The following CFAP44 variants were observed in gnomAD, a reference collection of about 807,000 sequenced individuals.
CFAP44 encodes cilia- and flagella-associated protein 44.
CFAP44 carries 134 observed loss-of-function variants against 216.2 expected under a neutral mutation model. The observed-to-expected ratio is 0.62, with a 90% confidence interval of 0.54 to 0.72. The LOEUF is 0.72. CFAP44 is among the 30% of genes least tolerant of loss of function. The pLI, the probability that CFAP44 is intolerant of heterozygous loss-of-function variation, is 0.00. For missense variants in CFAP44, 2,035 were observed against 2,182.1 expected, an observed-to-expected ratio of 0.93 and a Z score of 1.34; for synonymous variants, 700 against 727.6, an observed-to-expected ratio of 0.96 and a Z score of 0.61.
intron 28 of CFAP44, among the ~76,000 whole-genome samples, chr3:113,310,493 A>C (rs1950027504): frequency 6.6e-6 from 1 of 152,232 alleles, no homozygotes; most frequent in Non-Finnish European, 1.5e-5. Context: ...TTTCCTTGTC[A>C]GATTAGTGTT....
In CFAP44 at chr3:113,358,777, T is replaced by A; in HGVS notation, c.3033A>T (p.Lys1011Asn). 1.3e-6 allele frequency: 2 copies of A among 1,536,788 alleles called. No individual in the cohort carries two copies. Among genetic ancestry groups the A allele is most frequent in the African/African-American group, 2.7e-5 (2 of 73,150 alleles). Residue 1011 changes from lysine to asparagine, a missense_variant, in exon 22 of 35, where the codon AAA (lysine) becomes AAT (asparagine). Lys to Asn is a moderately conservative substitution (Grantham distance 94, BLOSUM62 0). Around this residue, in one of 3 missense-constraint regions of CFAP44, gnomAD observed 1,883 missense variants for 2,023.7 expected, o/e 0.93. Transcript: ENST00000393845. The stretch of plus-strand genomic sequence containing the variant: ...TTAGCTTCATTAGGCCGAGTTCATG[T>A]TTCTCTTTTTCCCAAGCTAATTCCT... ...VEKELAWEKE[K>N]HELGLMKLKN...
intron 23 of CFAP44, 57 bp from the exon 24 acceptor site, chr3:113,341,975 G>A (rs1950336972): frequency 1.4e-6 from 2 of 1,462,618 alleles, no homozygotes; most frequent in Non-Finnish European, 9.0e-7. Context: ...AAAACTCTCA[G>A]ATATTGTTTT....
chr3:113,379,511 A>G lies in CFAP44; in HGVS notation c.2093T>C (p.Leu698Ser). Reference protein sequence around the residue: ...EIEKRERQRELKEKIREERRN... With the variant: ...EIEKRERQRESKEKIREERRN... ...CCTTTCTTCCCTTATTTTCTCCTTC[A>G]ACTCCCTTTGTCTCTCCCTCTTTTC... is the stretch of plus-strand genomic sequence containing the variant. The change falls in exon 17 of 35, where the codon TTG becomes TCG. Residue 698 changes from leucine to serine, a missense_variant. Transcript: ENST00000393845. 6.2e-7 allele frequency: 1 copy of G among 1,602,176 alleles called. No homozygotes were observed. Among genetic ancestry groups the G allele is most frequent in the Non-Finnish European group, 8.5e-7 (1 of 1,170,004 alleles).
chr3:113,405,736 A>T (rs1934258240), intron 8 of CFAP44, among the ~76,000 whole-genome samples: 1 of 152,176 alleles, frequency 6.6e-6, no homozygotes, highest in Non-Finnish European at 1.5e-5. Context: ...CCCTATATCT[A>T]TACAAATTCT....
Position 113,291,720 on chromosome 3 carries a change from G to A in CFAP44, c.5402C>T (p.Ala1801Val). 6.5e-7 allele frequency: 1 copy of A among 1,536,332 alleles called. No homozygotes were observed. Among genetic ancestry groups the A allele is most frequent in the Non-Finnish European group, 8.7e-7 (1 of 1,146,944 alleles). Residue 1801 changes from alanine (A) to valine (V), a missense_variant, in exon 35 of 35, where the codon GCA becomes GTA. By Grantham distance (64) the Ala-to-Val change is moderately conservative. This residue lies in a region of CFAP44 where 1,883 missense variants were observed against 2,023.7 expected (regional missense o/e 0.93). Coordinates refer to ENST00000393845, the MANE Select transcript of CFAP44 (RefSeq NM_001164496.2). ...QGNAFQGPRE[A>V]DVVAREEVTE... ...GACCTCCTCTCTTGCCACAACATCTGCTTCCCGAGGGCCCTGGAAGGCATT... is the reference window on the plus strand; with the variant it reads ...GACCTCCTCTCTTGCCACAACATCTACTTCCCGAGGGCCCTGGAAGGCATT...
At chr3:113,368,084 A>G (rs755989309) in intron 18 of CFAP44, among the ~76,000 whole-genome samples, 15 of 152,236 alleles carry the variant, frequency 9.9e-5, no homozygotes, top group Admixed American at 2.6e-4. Context: ...GAAATATGGG[A>G]CTATGTGAAA....
At chr3:113,359,033 T>C (rs1184825661) in intron 21 of CFAP44, among the ~76,000 whole-genome samples, 158 bp from the exon 22 acceptor site, 2 of 152,212 alleles carry the variant, frequency 1.3e-5, no homozygotes, top group Non-Finnish European at 2.9e-5. Flanking sequence ...TTAACTTTAC[T>C]TCCACAATAT....
intron 5 of CFAP44, 88 bp from the exon 6 acceptor site, chr3:113,416,715 T>A: frequency 1.1e-6 from 1 of 937,500 alleles, no homozygotes; most frequent in Non-Finnish European, 1.6e-6. Flanking sequence ...ATCCATTATT[T>A]CATAATTTAT....
chr3:113,439,309 G>A (rs969615737), intron 1 of CFAP44, among the ~76,000 whole-genome samples: 12 of 152,084 alleles, frequency 7.9e-5, no homozygotes, highest in East Asian at 1.9e-4. Flanking sequence ...GGGTTCTCAC[G>A]CTTGTATGCT....
At chr3:113,397,984 T>C (rs994227952) in intron 13 of CFAP44, among the ~76,000 whole-genome samples, 6 of 152,182 alleles carry the variant, frequency 3.9e-5, no homozygotes, top group African/African-American at 1.4e-4. Flanking sequence ...AATGTTGGAA[T>C]GTACCAAATC....
At chr3:113,394,165 T>C (rs552029957) in intron 15 of CFAP44, among the ~76,000 whole-genome samples, 19 of 152,324 alleles carry the variant, frequency 1.2e-4, no homozygotes, top group Admixed American at 3.9e-4. Context: ...ACCCAGGACA[T>C]TGACATTAGT....
chr3:113,295,267 C>T (rs758877386), intron 33 of CFAP44, among the ~76,000 whole-genome samples: 53 of 152,194 alleles, frequency 3.5e-4, no homozygotes, highest in Non-Finnish European at 6.0e-4. Context: ...ATTGCTCCAT[C>T]GGTTGCTCAC....
chr3:113,291,447 CT>C lies in CFAP44; in HGVS notation c.*109del. 7.6e-7 allele frequency: 1 copy of C among 1,308,468 alleles called. No individual in the cohort carries two copies. Among genetic ancestry groups the C allele is most frequent in the South Asian group, 1.5e-5 (1 of 66,712 alleles). 81.1% of individuals were successfully genotyped at this position (1,308,468 alleles called of 1,614,324 possible). ...TAACGTGACTGGATCTGGTTTTACA[CT>C]TTCAGGCGAGTTCAGTTTAAAGTAA... On this transcript the variant is annotated 3_prime_UTR_variant, in exon 35 of 35. Coordinates refer to ENST00000393845, the MANE Select transcript of CFAP44 (RefSeq NM_001164496.2).
chr3:113,376,654 C>T lies in CFAP44; in HGVS notation c.2298+2652G>A, dbSNP rs114676938. Among the ~76,000 whole-genome samples, 667 of 152,220 alleles carry T rather than the reference C, an allele frequency of 4.4e-3. 2 individuals carry two copies. Among genetic ancestry groups the T allele is most frequent in the South Asian group, 0.011 (51 of 4,820 alleles). On this transcript the variant is annotated intron_variant, in intron 17 of 34. Transcript: ENST00000393845. ...AATGGACAGAGAATTGACCTCTGAG[C>T]TTATCATCATTAGTGAAGTGATGGA...
At chr3:113,341,714 A>G in intron 24 of CFAP44, 30 bp downstream of exon 24, 1 of 1,443,596 alleles carries the variant, frequency 6.9e-7, no homozygotes, top group Admixed American at 3.1e-5. Flanking sequence ...CATATTAAAA[A>G]GATAAGAGTT....
chr3:113,377,351 T>C (rs968892525), intron 17 of CFAP44, among the ~76,000 whole-genome samples: 1 of 152,194 alleles, frequency 6.6e-6, no homozygotes, highest in Non-Finnish European at 1.5e-5. Context: ...GCTACCTCTG[T>C]TAACTATGTT....
intron 33 of CFAP44, among the ~76,000 whole-genome samples, chr3:113,295,164 T>G (rs1949869099): frequency 6.6e-6 from 1 of 152,226 alleles, no homozygotes; most frequent in South Asian, 2.1e-4. Context: ...TGTATTGCTT[T>G]TTCCCCATCT....
chr3:113,317,749 G>A (rs1950102258), intron 28 of CFAP44, among the ~76,000 whole-genome samples: 1 of 152,230 alleles, frequency 6.6e-6, no homozygotes, highest in Non-Finnish European at 1.5e-5. Flanking sequence ...ATGAGTTCCT[G>A]GGCTGGGGTG....
chr3:113,335,394 A>G (rs749524905), intron 24 of CFAP44, among the ~76,000 whole-genome samples: 1 of 152,196 alleles, frequency 6.6e-6, no homozygotes, highest in African/African-American at 2.4e-5. Context: ...GGGAGGCCAA[A>G]TTTGGTGCTA....
Sources: allele counts gnomAD v4.1 joint callset (sites outside exome capture counted in the v4.1 genomes callset), GRCh38; gene constraint gnomAD v4.1.1; regional missense constraint gnomAD v4.1.1; transcripts MANE v1.5; gene names NCBI Gene and HGNC (gene_info 2026-07-23, HGNC 2026-07-21).